Variants in MBNL2 observed in about 807,000 individuals in gnomAD.
MBNL2 encodes the protein muscleblind-like protein 2.
MBNL2 carries 17 observed loss-of-function variants against 41.9 expected under a neutral mutation model. That is an observed-to-expected ratio of 0.41 (90% CI 0.28 to 0.61). The LOEUF is 0.61. Ranked by LOEUF, MBNL2 falls within the 20% of genes least tolerant of loss-of-function variation. The pLI, the probability that MBNL2 is intolerant of heterozygous loss-of-function variation, is 0.35. For synonymous variants in MBNL2, 195 were observed against 182.9 expected (o/e 1.07, Z -0.53); for missense variants, 336 against 505.6 (o/e 0.66, Z 3.22).
chr13:97,353,092 G>GCATAA lies in MBNL2; in HGVS notation c.805-3703_805-3699dup, dbSNP rs1454423744. Among the ~76,000 whole-genome samples the GCATAA allele has an allele frequency of 2.6e-5, 4 of 152,264 alleles. No homozygotes were observed. The East Asian group carries it at 7.7e-4, about 29-fold the overall frequency. ...CATTCATGGTTACATTCATCAAGCT[G>GCATAA]CATAAAGATTATTGCAGTGGATGCC... is the stretch of plus-strand genomic sequence containing the variant. On this transcript the variant is annotated intron_variant, in intron 5 of 8. Coordinates refer to ENST00000679496, the MANE Select transcript of MBNL2 (RefSeq NM_001382683.1).
chr13:97,316,379 G>A (rs2059057017), intron 2 of MBNL2, among the ~76,000 whole-genome samples: 1 of 152,178 alleles, frequency 6.6e-6, no homozygotes. Flanking sequence ...ACAGTAGCCA[G>A]AGCCATCCTT....
chr13:97,303,351 A>C (rs779403441), intron 2 of MBNL2, among the ~76,000 whole-genome samples: 1 of 152,162 alleles, frequency 6.6e-6, no homozygotes, highest in Non-Finnish European at 1.5e-5. Flanking sequence ...GGGCTGGGCA[A>C]TGGGTGGGGG....
At chr13:97,345,724 G>A (rs549907752) in intron 4 of MBNL2, among the ~76,000 whole-genome samples, 6 of 152,180 alleles carry the variant, frequency 3.9e-5, no homozygotes, top group Non-Finnish European at 7.4e-5. Context: ...GAGAGAAGGA[G>A]TGGGAAACAG....
chr13:97,153,071 T>C, the MBNL2 span, among the ~76,000 whole-genome samples: 8 of 152,120 alleles, frequency 5.3e-5, no homozygotes, highest in African/African-American at 1.4e-4. Context: ...CAATTAGCAA[T>C]TGGCACATAG....
the MBNL2 span, among the ~76,000 whole-genome samples, chr13:97,215,043 A>G: frequency 1.3e-5 from 2 of 152,358 alleles, no homozygotes; most frequent in Non-Finnish European, 2.9e-5. Flanking sequence ...CCCAGAGAAC[A>G]TCTGCAATCC....
chr13:97,274,381 C>T (rs191368151), intron 1 of MBNL2, among the ~76,000 whole-genome samples: 1 of 152,190 alleles, frequency 6.6e-6, no homozygotes, highest in East Asian at 1.9e-4. Flanking sequence ...CCTGTAGTCT[C>T]AGCTACTCAG....
At chr13:97,347,737 T>A (rs1317354912) in intron 5 of MBNL2, among the ~76,000 whole-genome samples, 1 of 152,062 alleles carries the variant, frequency 6.6e-6, no homozygotes, top group Non-Finnish European at 1.5e-5. Flanking sequence ...CAGCAGTACA[T>A]CATCATTATC....
chr13:97,159,265 C>A, the MBNL2 span, among the ~76,000 whole-genome samples: 1 of 151,564 alleles, frequency 6.6e-6, no homozygotes, highest in African/African-American at 2.4e-5. Flanking sequence ...CTTCCTCCAT[C>A]CTTTTATTTT....
intron 1 of MBNL2, among the ~76,000 whole-genome samples, chr13:97,231,470 G>A (rs2042370447): frequency 6.6e-6 from 1 of 152,212 alleles, no homozygotes; most frequent in Non-Finnish European, 1.5e-5. Flanking sequence ...GTCTGGGATG[G>A]CTCCTTGGAG....
chr13:97,193,933 C>T, the MBNL2 span, among the ~76,000 whole-genome samples: 73,327 of 152,082 alleles, frequency 0.48, 21,525 homozygotes, highest in Non-Finnish European at 0.64. Flanking sequence ...CTCCAGCCTC[C>T]CTGGTCTTTT....
At chr13:97,257,790 A>AG (rs998394356) in intron 1 of MBNL2, among the ~76,000 whole-genome samples, 29 of 152,326 alleles carry the variant, frequency 1.9e-4, no homozygotes, top group Non-Finnish European at 3.7e-4. Flanking sequence ...CACAGGATTT[A>AG]GGGGGGCACT....
chr13:97,268,339 T>C lies in MBNL2; in HGVS notation c.-604-7293T>C, dbSNP rs1283709539. On this transcript the variant is annotated intron_variant, in intron 1 of 8. Coordinates refer to ENST00000679496, the MANE Select transcript of MBNL2 (RefSeq NM_001382683.1). The surrounding 1 kb of genome is among the most constrained non-coding windows in gnomAD (Gnocchi z 4.6). Reference sequence around the variant, plus strand: ...CTGGTCTGGAACTCCTGACTTCAAATGATCCATCTGCCTCGGCCTCCCAAA... The same window carrying C: ...CTGGTCTGGAACTCCTGACTTCAAACGATCCATCTGCCTCGGCCTCCCAAA... Among the ~76,000 whole-genome samples the C allele has an allele frequency of 6.6e-6, 1 of 152,176 alleles. No homozygotes were observed. Among genetic ancestry groups the C allele is most frequent in the African/African-American group, 2.4e-5 (1 of 41,444 alleles).
intron 1 of MBNL2, among the ~76,000 whole-genome samples, chr13:97,234,115 G>A (rs921108787): frequency 5.3e-5 from 8 of 152,084 alleles, no homozygotes; most frequent in Admixed American, 1.3e-4. Context: ...TTTATTGACC[G>A]GACAATCATG....
In MBNL2 at chr13:97,334,427, C is replaced by T; in HGVS notation, c.326C>T (p.Pro109Leu). ...ATGCAATTTATGTTTCCAGGAACAC[C>T]ACTTCATCCAGTGGTGAGTACATCT... The part of the protein sequence containing the change: ...QQMQFMFPGT[P>L]LHPVPTFPVG... The change falls in exon 3 of 9, where the codon CCA (proline) becomes CTA (leucine). Residue 109 changes from proline to leucine, a missense_variant. Coordinates refer to ENST00000679496, the MANE Select transcript of MBNL2 (RefSeq NM_001382683.1). The surrounding 1 kb of genome is among the most constrained non-coding windows in gnomAD (Gnocchi z 5.3). 6.2e-7 allele frequency: 1 copy of T among 1,611,746 alleles called. No homozygotes were observed. Among genetic ancestry groups the T allele is most frequent in the Non-Finnish European group, 8.5e-7 (1 of 1,178,568 alleles).
At chr13:97,163,285 T>A in the MBNL2 span, among the ~76,000 whole-genome samples, 1 of 152,162 alleles carries the variant, frequency 6.6e-6, no homozygotes, top group Admixed American at 6.5e-5. Flanking sequence ...ATACCATGTA[T>A]TCAAACTTGT....
intron 2 of MBNL2, among the ~76,000 whole-genome samples, chr13:97,300,891 A>G (rs530252164): frequency 6.6e-6 from 1 of 152,218 alleles, no homozygotes; most frequent in Admixed American, 6.5e-5. Context: ...TATATTGGGC[A>G]TCTATAACTA....
chr13:97,220,623 C>A (rs2040774211), upstream of MBNL2, among the ~76,000 whole-genome samples: 1 of 152,166 alleles, frequency 6.6e-6, no homozygotes, highest in Non-Finnish European at 1.5e-5. Flanking sequence ...TTTTAAAAAA[C>A]CCGTCTGGCA....
chr13:97,177,112 T>C, the MBNL2 span, among the ~76,000 whole-genome samples: 1 of 152,076 alleles, frequency 6.6e-6, no homozygotes, highest in Admixed American at 6.6e-5. Context: ...CTGAGTCAGG[T>C]GGATTTCCTG....
chr13:97,377,120 G>A lies in MBNL2; in HGVS notation c.1048+11949G>A, dbSNP rs2065035359. On this transcript the variant is annotated intron_variant, in intron 8 of 8. Coordinates refer to ENST00000679496, the MANE Select transcript of MBNL2 (RefSeq NM_001382683.1). The stretch of plus-strand genomic sequence containing the variant: ...AGACACTGGGTTAAGCCTTTTGTAT[G>A]AATTATGTCATTGAAACCCAACACG... Among the ~76,000 whole-genome samples the A allele has an allele frequency of 2.0e-5, 3 of 152,166 alleles. No individual in the cohort carries two copies. The South Asian group carries it at 6.2e-4, about 31-fold the overall frequency.
Sources: allele counts gnomAD v4.1 joint callset (sites outside exome capture counted in the v4.1 genomes callset), GRCh38; gene constraint gnomAD v4.1.1; non-coding constraint Gnocchi (gnomAD v3.1); transcripts MANE v1.5; gene names NCBI Gene and HGNC (gene_info 2026-07-23, HGNC 2026-07-21).